The following CCSER1 variants were observed in gnomAD, a reference collection of about 807,000 sequenced individuals.
CCSER1 encodes serine-rich coiled-coil domain-containing protein 1.
A neutral mutation model predicts 82.0 loss-of-function variants in CCSER1; 41 were observed. The ratio of observed to expected loss-of-function variants is 0.50; its 90% CI spans 0.39 to 0.65. The LOEUF (loss-of-function observed/expected upper bound fraction) is 0.65. Ranked by LOEUF, CCSER1 falls within the 30% of genes least tolerant of loss-of-function variation. The pLI is 0.00. For missense variants in CCSER1, 1,119 were observed against 1,064.2 expected (o/e 1.05, Z -0.72); for synonymous variants, 414 against 383.9 (o/e 1.08, Z -0.92).
At chr4:90,824,633 T>A (rs562063743) in intron 8 of CCSER1, among the ~76,000 whole-genome samples, 1 of 152,102 alleles carries the variant, frequency 6.6e-6, no homozygotes. Flanking sequence ...TGCATGAAAA[T>A]CATATCATGA....
At chr4:90,947,043 G>C (rs1732338107) in intron 9 of CCSER1, among the ~76,000 whole-genome samples, 2 of 152,168 alleles carry the variant, frequency 1.3e-5, no homozygotes, top group Admixed American at 6.5e-5. Context: ...GAATGTCTTA[G>C]ATTGTACAAC....
At chr4:91,069,186 AATTTTG>A (rs1316639016) in intron 9 of CCSER1, among the ~76,000 whole-genome samples, 1 of 152,162 alleles carries the variant, frequency 6.6e-6, no homozygotes, top group East Asian at 1.9e-4. Flanking sequence ...AAAAAATAAA[AATTTTG>A]ATTTTCTAAA....
chr4:90,667,811 A>G (rs571799966), intron 6 of CCSER1, among the ~76,000 whole-genome samples: 1 of 152,310 alleles, frequency 6.6e-6, no homozygotes, highest in South Asian at 2.1e-4. Flanking sequence ...GTTAGCTATT[A>G]TTATTAATGG....
chr4:91,454,014 T>A lies in CCSER1; in HGVS notation c.2218-144558T>A, dbSNP rs530642284. The stretch of plus-strand genomic sequence containing the variant: ...ATATCACTAGAACAGCATTCTATAT[T>A]AAGTGTTTCTTAACCTGACATCTAT... On this transcript the variant is annotated intron_variant, in intron 10 of 10. Transcript: ENST00000509176. Among the ~76,000 whole-genome samples, 384 of 152,198 alleles carry A rather than the reference T, an allele frequency of 2.5e-3. 4 individuals carry two copies. In the South Asian group the frequency reaches 0.033, roughly 13 times the overall value.
At chr4:90,219,544 A>G (rs767128686) in intron 1 of CCSER1, among the ~76,000 whole-genome samples, 1 of 152,186 alleles carries the variant, frequency 6.6e-6, no homozygotes. Context: ...ATTCTGTGTC[A>G]CTTACCTAAA....
chr4:90,357,775 A>T lies in CCSER1; in HGVS notation c.1510-42261A>T, dbSNP rs540285250. ...AGGATAAATGTTTCTGCTTCTATCC[A>T]ATTGAAATGATTTAGAAGGTCAATT... On this transcript the variant is annotated intron_variant, in intron 3 of 10. Transcript: ENST00000509176. Among the ~76,000 whole-genome samples the T allele has an allele frequency of 3.9e-5, 6 of 152,144 alleles. No homozygotes were observed. In the South Asian group the frequency reaches 1.2e-3, roughly 32 times the overall value.
At chr4:90,570,079 T>C (rs1687073931) in intron 5 of CCSER1, among the ~76,000 whole-genome samples, 1 of 152,160 alleles carries the variant, frequency 6.6e-6, no homozygotes, top group Non-Finnish European at 1.5e-5. Context: ...GGCCTGAGCA[T>C]GAACAAGGAC....
chr4:90,536,045 T>G (rs1303633390), intron 5 of CCSER1, among the ~76,000 whole-genome samples: 2 of 149,192 alleles, frequency 1.3e-5, no homozygotes, highest in African/African-American at 4.9e-5. Flanking sequence ...TTTTTTTTTT[T>G]TTTTTGAGAC....
At chr4:90,356,733 A>G (rs937619446) in intron 3 of CCSER1, among the ~76,000 whole-genome samples, 5 of 151,898 alleles carry the variant, frequency 3.3e-5, no homozygotes, top group Admixed American at 1.3e-4. Context: ...TACCATATAA[A>G]TTCATGCATT....
intron 3 of CCSER1, among the ~76,000 whole-genome samples, chr4:90,346,987 T>G (rs187467745): frequency 3.0e-4 from 45 of 152,272 alleles, no homozygotes; most frequent in Admixed American, 2.1e-3. Flanking sequence ...TATAGAAATG[T>G]TTCTATGCCC....
At chr4:90,956,238 A>G (rs2150363701) in intron 9 of CCSER1, among the ~76,000 whole-genome samples, 1 of 152,326 alleles carries the variant, frequency 6.6e-6, no homozygotes, top group South Asian at 2.1e-4. Flanking sequence ...AACCTACAGA[A>G]GCATTATTAT....
At chr4:90,142,569 T>C (rs964553504) in intron 1 of CCSER1, among the ~76,000 whole-genome samples, 2 of 152,098 alleles carry the variant, frequency 1.3e-5, no homozygotes, top group African/African-American at 2.4e-5. Flanking sequence ...ATGCAAAATA[T>C]ACTAATACAG....
intron 10 of CCSER1, among the ~76,000 whole-genome samples, chr4:91,297,855 A>C (rs1027639433): frequency 6.6e-6 from 1 of 152,002 alleles, no homozygotes; most frequent in African/African-American, 2.4e-5. Context: ...TAAAAACAGT[A>C]TTTTTTGAAT....
At chr4:90,565,934 C>T (rs1443533038) in intron 5 of CCSER1, among the ~76,000 whole-genome samples, 2 of 150,758 alleles carry the variant, frequency 1.3e-5, no homozygotes, top group East Asian at 3.9e-4. Flanking sequence ...AATCTTGGCT[C>T]ACTGCAGCCT....
At chr4:91,445,610 C>CA in intron 10 of CCSER1, among the ~76,000 whole-genome samples, 1 of 152,220 alleles carries the variant, frequency 6.6e-6, no homozygotes, top group East Asian at 1.9e-4. Context: ...TCACCCCCAC[C>CA]ATTTCTTTCA....
At chr4:91,293,760 C>T (rs986338448) in intron 10 of CCSER1, among the ~76,000 whole-genome samples, 1 of 151,646 alleles carries the variant, frequency 6.6e-6, no homozygotes, top group African/African-American at 2.4e-5. Flanking sequence ...GAATGAGTTT[C>T]TTTGTTCTCA....
intron 10 of CCSER1, among the ~76,000 whole-genome samples, chr4:91,420,750 C>A (rs1298320067): frequency 6.6e-6 from 1 of 152,020 alleles, no homozygotes; most frequent in Non-Finnish European, 1.5e-5. Flanking sequence ...AGGTTGACTG[C>A]AATATTATTC....
intron 8 of CCSER1, among the ~76,000 whole-genome samples, chr4:90,881,655 C>T (rs1195482303): frequency 1.3e-5 from 2 of 152,094 alleles, no homozygotes; most frequent in Non-Finnish European, 2.9e-5. Context: ...CTTGGTGGCA[C>T]ACGCCTGTGG....
chr4:90,666,690 A>G (rs1192710822), intron 6 of CCSER1, among the ~76,000 whole-genome samples: 1 of 152,174 alleles, frequency 6.6e-6, no homozygotes, highest in Non-Finnish European at 1.5e-5. Context: ...ACTCAGTGGA[A>G]TCCTGGCACT....
Sources: gnomAD v4.1 joint callset for allele counts (sites outside exome capture counted in the v4.1 genomes callset) on GRCh38, gnomAD v4.1.1 for gene constraint, MANE v1.5 for transcripts, NCBI Gene and HGNC (gene_info 2026-07-23, HGNC 2026-07-21) for gene names.